The following STPG2 variants were observed in gnomAD, a reference collection of about 807,000 sequenced individuals.
The protein encoded by STPG2 is sperm tail PG-rich repeat containing 2, also known as sperm-tail PG-rich repeat-containing protein 2.
A neutral mutation model predicts 54.2 loss-of-function variants in STPG2; 56 were observed. The observed-to-expected ratio is 1.03, with a 90% CI of 0.83 to 1.29. STPG2 has a LOEUF of 1.29. STPG2 is among the 50% of genes most tolerant of loss of function. STPG2 has a pLI of 0.00. For missense variants in STPG2, 596 were observed against 544.9 expected (o/e 1.09, Z -0.93); for synonymous variants, 200 against 181.8 (o/e 1.10, Z -0.81).
intron 5 of STPG2, among the ~76,000 whole-genome samples, chr4:98,065,252 T>G (rs992788959): frequency 6.6e-6 from 1 of 152,074 alleles, no homozygotes; most frequent in African/African-American, 2.4e-5. Flanking sequence ...CCAAACATAA[T>G]ACTGACAAGG....
downstream of STPG2, among the ~76,000 whole-genome samples, chr4:97,556,871 A>G (rs539282776): frequency 6.6e-6 from 1 of 152,296 alleles, no homozygotes; most frequent in Non-Finnish European, 1.5e-5. Flanking sequence ...ATACCAATAG[A>G]GTACATTAAT....
At chr4:97,457,870 A>G (rs1160606847) in intron 4 of STPG2, among the ~76,000 whole-genome samples, 1 of 152,244 alleles carries the variant, frequency 6.6e-6, no homozygotes, top group East Asian at 1.9e-4. Context: ...GGAAAATTTA[A>G]TGGCTTAAAT....
chr4:97,506,657 C>T (rs1171444685), intron 4 of STPG2, among the ~76,000 whole-genome samples: 2 of 151,646 alleles, frequency 1.3e-5, no homozygotes, highest in African/African-American at 4.8e-5. Flanking sequence ...ATAAAAGGAA[C>T]CATAGTATTC....
At chr4:98,079,448 C>T (rs1401124782) in intron 5 of STPG2, among the ~76,000 whole-genome samples, 5 of 152,158 alleles carry the variant, frequency 3.3e-5, no homozygotes, top group Admixed American at 6.5e-5. Flanking sequence ...ATGGTCACTA[C>T]CTGCCACTTT....
intron 9 of STPG2, among the ~76,000 whole-genome samples, chr4:97,768,921 C>T (rs967811614): frequency 6.6e-5 from 10 of 152,076 alleles, no homozygotes; most frequent in African/African-American, 2.4e-4. Context: ...AGGCTGGTCT[C>T]GATGGTGGTC....
At chr4:97,639,390 T>C (rs1425721508) in intron 10 of STPG2, among the ~76,000 whole-genome samples, 1 of 151,942 alleles carries the variant, frequency 6.6e-6, no homozygotes, top group Non-Finnish European at 1.5e-5. Context: ...ATATACCTAA[T>C]GCTAGGTGAC....
chr4:97,954,548 T>A (rs1733595685), intron 7 of STPG2, among the ~76,000 whole-genome samples: 1 of 152,096 alleles, frequency 6.6e-6, no homozygotes, highest in Admixed American at 6.5e-5. Context: ...TACAGAGGCA[T>A]CAAAGAGTAA....
chr4:97,807,593 TAGTTCAATA>T (rs1168381235), intron 9 of STPG2, among the ~76,000 whole-genome samples: 1 of 151,148 alleles, frequency 6.6e-6, no homozygotes, highest in African/African-American at 2.4e-5. Context: ...ACTGGAAGAG[TAGTTCAATA>T]AAATACCAAA....
chr4:97,875,815 A>G (rs192554771), intron 8 of STPG2, among the ~76,000 whole-genome samples: 2 of 152,038 alleles, frequency 1.3e-5, no homozygotes, highest in Non-Finnish European at 2.9e-5. Flanking sequence ...TTCCAACATT[A>G]TCTTCAGATC....
intron 8 of STPG2, among the ~76,000 whole-genome samples, chr4:97,867,277 T>A (rs1729826913): frequency 6.6e-6 from 1 of 151,956 alleles, no homozygotes; most frequent in Admixed American, 6.6e-5. Context: ...TTATGCTGCA[T>A]CTAGATGTGT....
chr4:97,786,686 T>C (rs1252820811), intron 9 of STPG2, among the ~76,000 whole-genome samples: 1 of 152,058 alleles, frequency 6.6e-6, no homozygotes, highest in African/African-American at 2.4e-5. Flanking sequence ...GTGAATCATC[T>C]CTTTGTCCAA....
intron 8 of STPG2, among the ~76,000 whole-genome samples, chr4:97,933,971 T>C (rs1278223990): frequency 6.6e-6 from 1 of 152,202 alleles, no homozygotes; most frequent in Non-Finnish European, 1.5e-5. Flanking sequence ...CCTGTTTTCA[T>C]GACATTGATT....
rs572596357 is a variant in STPG2, at chr4:98,085,622, T to C, written c.612+20331A>G. On this transcript the variant is annotated intron_variant, in intron 5 of 10. Coordinates refer to ENST00000295268, the MANE Select transcript of STPG2 (RefSeq NM_174952.3). ...CATTGTTCATAATTTGATAAATGTATTCCTAAGTATTTTATGTTTTGAGGT... is the reference window on the plus strand; with the variant it reads ...CATTGTTCATAATTTGATAAATGTACTCCTAAGTATTTTATGTTTTGAGGT... Among the ~76,000 whole-genome samples, 232 of 152,232 alleles carry C rather than the reference T, an allele frequency of 1.5e-3. 1 individual carries two copies. Among genetic ancestry groups the C allele is most frequent in the African/African-American group, 5.4e-3 (224 of 41,580 alleles).
chr4:97,824,015 T>C (rs925768979), intron 9 of STPG2, among the ~76,000 whole-genome samples: 4 of 152,172 alleles, frequency 2.6e-5, no homozygotes, highest in Non-Finnish European at 5.9e-5. Context: ...GGGATATTAA[T>C]TGCTATTCTC....
chr4:98,142,037 A>G (rs1740308635), intron 1 of STPG2, among the ~76,000 whole-genome samples: 1 of 151,870 alleles, frequency 6.6e-6, no homozygotes, highest in Non-Finnish European at 1.5e-5. Flanking sequence ...AAAATTAAGG[A>G]TTGCAAAGTG....
At chr4:97,820,546 C>G (rs116131961) in intron 9 of STPG2, among the ~76,000 whole-genome samples, 4 of 152,076 alleles carry the variant, frequency 2.6e-5, no homozygotes, top group Admixed American at 2.6e-4. Context: ...AAAATGCTAC[C>G]ACAGTAAATA....
chr4:97,793,110 T>A (rs1727053750), intron 9 of STPG2, among the ~76,000 whole-genome samples: 1 of 151,954 alleles, frequency 6.6e-6, no homozygotes, highest in African/African-American at 2.4e-5. Context: ...GCCAAGATCA[T>A]GCCACTGCAC....
chr4:98,031,175 T>C (rs1736584978), intron 5 of STPG2, among the ~76,000 whole-genome samples: 1 of 152,144 alleles, frequency 6.6e-6, no homozygotes, highest in Admixed American at 6.5e-5. Context: ...TTTCAACAAA[T>C]GATGCTAGGA....
At chr4:97,814,271 T>G (rs1727838470) in intron 9 of STPG2, among the ~76,000 whole-genome samples, 1 of 152,148 alleles carries the variant, frequency 6.6e-6, no homozygotes, top group South Asian at 2.1e-4. Context: ...AACTGGTTAT[T>G]CTGGTAGCCA....
Sources: allele counts gnomAD v4.1 joint callset (sites outside exome capture counted in the v4.1 genomes callset), GRCh38; gene constraint gnomAD v4.1.1; transcripts MANE v1.5; gene names NCBI Gene and HGNC (gene_info 2026-07-23, HGNC 2026-07-21).